Variants in CAMTA1 observed in about 807,000 individuals in gnomAD.
CAMTA1 encodes calmodulin-binding transcription activator 1.
A neutral mutation model predicts 170.9 loss-of-function variants in CAMTA1; 27 were observed. That is an observed-to-expected ratio of 0.16 (90% CI 0.12 to 0.22). The LOEUF (loss-of-function observed/expected upper bound fraction) is 0.22, where lower values mean the gene tolerates loss of function less well. CAMTA1 is among the 10% of genes least tolerant of loss of function. CAMTA1 has a pLI of 1.00. For missense variants in CAMTA1, 1,619 were observed against 2,217.2 expected, an observed-to-expected ratio of 0.73 and a Z score of 5.42; for synonymous variants, 833 against 891.5, an observed-to-expected ratio of 0.93 and a Z score of 1.17.
chr1:7,136,649 A>G (rs1645561851), intron 4 of CAMTA1, among the ~76,000 whole-genome samples: 1 of 152,042 alleles, frequency 6.6e-6, no homozygotes, highest in African/African-American at 2.4e-5. Context: ...GTTCACTCTT[A>G]AGCTGTCTGG....
intron 6 of CAMTA1, among the ~76,000 whole-genome samples, chr1:7,558,931 A>G (rs2094919717): frequency 6.6e-6 from 1 of 152,228 alleles, no homozygotes; most frequent in Non-Finnish European, 1.5e-5. Context: ...GAGCTGGTGC[A>G]GCCTTTTCAC....
chr1:7,439,290 G>C (rs1364663542), intron 5 of CAMTA1, among the ~76,000 whole-genome samples: 1 of 152,146 alleles, frequency 6.6e-6, no homozygotes, highest in East Asian at 1.9e-4. Flanking sequence ...TGTGTCCCCT[G>C]GACCACACTG....
intron 3 of CAMTA1, among the ~76,000 whole-genome samples, chr1:6,856,514 A>C (rs1342254326): frequency 6.6e-6 from 1 of 152,096 alleles, no homozygotes; most frequent in Non-Finnish European, 1.5e-5. Context: ...TGTGCCAGGC[A>C]CTATTCTAGT....
chr1:7,666,167 TAA>T (rs573817014), intron 9 of CAMTA1, among the ~76,000 whole-genome samples: 3 of 142,498 alleles, frequency 2.1e-5, no homozygotes, highest in Non-Finnish European at 1.5e-5. Context: ...GAAACTGTCT[TAA>T]AAAAAAAAAA....
intron 6 of CAMTA1, among the ~76,000 whole-genome samples, chr1:7,468,141 G>T (rs1425013643): frequency 6.6e-6 from 1 of 152,178 alleles, no homozygotes; most frequent in Non-Finnish European, 1.5e-5. Flanking sequence ...CCACTGATGG[G>T]AAATAAACCT....
chr1:7,344,761 T>A (rs2084098843), intron 5 of CAMTA1, among the ~76,000 whole-genome samples: 1 of 151,538 alleles, frequency 6.6e-6, no homozygotes, highest in African/African-American at 2.4e-5. Flanking sequence ...TTTTTTTTTT[T>A]CTTTGAGGCA....
At position 7,050,145 on chromosome 1, in the gene CAMTA1, G is replaced by A. The variant is rs536603257; in HGVS notation, c.235-41159G>A. 3.3e-5 allele frequency among the ~76,000 whole-genome samples: 5 copies of A among 152,308 alleles called. No individual in the cohort carries two copies. The highest frequency in any genetic ancestry group is 2.1e-4 in the South Asian group (1 of 4,828). Reference sequence around the variant, plus strand: ...AGGCAGGAGCTGGTGGAGAGAGGACGTGGAAGGAGGTGAGGCCGGGGAAGT... The same window carrying A: ...AGGCAGGAGCTGGTGGAGAGAGGACATGGAAGGAGGTGAGGCCGGGGAAGT... On this transcript the variant is annotated intron_variant, in intron 3 of 22. Transcript: ENST00000303635. The surrounding 1 kb of genome is among the most constrained non-coding windows in gnomAD (Gnocchi z 4.8).
chr1:6,891,956 C>T (rs1453767825), intron 3 of CAMTA1, among the ~76,000 whole-genome samples: 1 of 152,150 alleles, frequency 6.6e-6, no homozygotes, highest in Non-Finnish European at 1.5e-5. Flanking sequence ...AAGGAGTGGC[C>T]TGGTGAGACT....
chr1:7,518,360 C>G (rs989637811), intron 6 of CAMTA1, among the ~76,000 whole-genome samples: 1 of 151,914 alleles, frequency 6.6e-6, no homozygotes, highest in Non-Finnish European at 1.5e-5. Context: ...ACCGGCCTCT[C>G]CATCCTGGGC....
At chr1:7,045,353 C>G (rs1277031354) in intron 3 of CAMTA1, among the ~76,000 whole-genome samples, 1 of 152,178 alleles carries the variant, frequency 6.6e-6, no homozygotes, top group Non-Finnish European at 1.5e-5. Context: ...GTCTGGCCCC[C>G]TCCTGCTGTA....
At chr1:7,157,392 A>AT (rs1356782771) in intron 4 of CAMTA1, among the ~76,000 whole-genome samples, 1 of 151,270 alleles carries the variant, frequency 6.6e-6, no homozygotes, top group Non-Finnish European at 1.5e-5. Context: ...AAACAAAAAA[A>AT]AATTTTTTAG....
chr1:7,680,255 C>A lies in CAMTA1; in HGVS notation c.2914+2522C>A. ...CCCCGCCTGTCCCTCCCGGCCCCTC[C>A]CCTCGGTCTCCGCAGCTTCTCGGCT... On this transcript the variant is annotated intron_variant, in intron 11 of 22. Transcript: ENST00000303635. The surrounding 1 kb of genome is among the most constrained non-coding windows in gnomAD (Gnocchi z 4.4). The A allele has an allele frequency of 4.3e-6, 1 of 232,094 alleles. No individual in the cohort carries two copies. 14.4% of individuals were successfully genotyped at this position (232,094 alleles called of 1,614,324 possible). A position where few individuals can be genotyped will look rare whatever the true frequency, so the allele number is the denominator to read the frequency against.
intron 3 of CAMTA1, among the ~76,000 whole-genome samples, chr1:7,026,085 A>T (rs1701977058): frequency 6.6e-6 from 1 of 151,742 alleles, no homozygotes; most frequent in Non-Finnish European, 1.5e-5. Context: ...GTACCACTGC[A>T]CTCAAACCTG....
At chr1:7,150,023 C>A (rs1257919600) in intron 4 of CAMTA1, among the ~76,000 whole-genome samples, 1 of 152,170 alleles carries the variant, frequency 6.6e-6, no homozygotes, top group Non-Finnish European at 1.5e-5. Flanking sequence ...AACTGAGCCT[C>A]GGAGACGTTC....
intron 5 of CAMTA1, among the ~76,000 whole-genome samples, chr1:7,346,629 G>A (rs1298177668): frequency 6.6e-6 from 1 of 152,210 alleles, no homozygotes; most frequent in Non-Finnish European, 1.5e-5. Flanking sequence ...GGAATTTGCG[G>A]GGAAGAGGGT....
intron 6 of CAMTA1, among the ~76,000 whole-genome samples, chr1:7,611,156 T>A (rs950288150): frequency 6.6e-6 from 1 of 151,138 alleles, no homozygotes; most frequent in Non-Finnish European, 1.5e-5. Context: ...TGGGCCATGG[T>A]GCGGGCCTAG....
chr1:7,354,916 T>A (rs1248388439), intron 5 of CAMTA1, among the ~76,000 whole-genome samples: 1 of 152,130 alleles, frequency 6.6e-6, no homozygotes, highest in African/African-American at 2.4e-5. Flanking sequence ...ATTGTCTTCA[T>A]CTGGGCTGGG....
chr1:7,537,454 C>G (rs1484276630), intron 6 of CAMTA1, among the ~76,000 whole-genome samples: 1 of 152,206 alleles, frequency 6.6e-6, no homozygotes, highest in Non-Finnish European at 1.5e-5. Context: ...CAACACAGCC[C>G]TGGCTGCCAA....
chr1:7,727,491 A>G (rs1443173797), intron 11 of CAMTA1, among the ~76,000 whole-genome samples: 1 of 152,216 alleles, frequency 6.6e-6, no homozygotes, highest in Non-Finnish European at 1.5e-5. Context: ...TCGACAAAAG[A>G]GGGCAAGGAT....
Sources: gnomAD v4.1 joint callset for allele counts (sites outside exome capture counted in the v4.1 genomes callset) on GRCh38, gnomAD v4.1.1 for gene constraint, Gnocchi (gnomAD v3.1) non-coding constraint, MANE v1.5 for transcripts, NCBI Gene and HGNC (gene_info 2026-07-23, HGNC 2026-07-21) for gene names.